Variants in ATG10 observed in about 807,000 individuals in gnomAD.
The protein encoded by ATG10 is autophagy related 10.
In ATG10, 30 loss-of-function variants were observed where a neutral mutation model predicts 32.1. The observed-to-expected ratio is 0.94, with a 90% CI of 0.70 to 1.27. The LOEUF (loss-of-function observed/expected upper bound fraction) is 1.27. Ranked by LOEUF, ATG10 falls within the 50% of genes most tolerant of loss-of-function variation. The pLI is 0.00. For missense variants in ATG10, 233 were observed against 262.3 expected (o/e 0.89, Z 0.77); for synonymous variants, 87 against 91.5 (o/e 0.95, Z 0.28).
chr5:82,207,230 A>T (rs1745335327), intron 5 of ATG10, among the ~76,000 whole-genome samples: 1 of 152,218 alleles, frequency 6.6e-6, no homozygotes, highest in African/African-American at 2.4e-5. Flanking sequence ...TTACTAGTTA[A>T]TACCAAACAG....
At chr5:82,181,978 A>C (rs1277794590) in intron 5 of ATG10, among the ~76,000 whole-genome samples, 3 of 152,154 alleles carry the variant, frequency 2.0e-5, no homozygotes, top group African/African-American at 4.8e-5. Flanking sequence ...TAATAAAAAA[A>C]CTTCTGAAAG....
intron 2 of ATG10, among the ~76,000 whole-genome samples, chr5:82,034,760 A>G (rs1384545890): frequency 6.6e-6 from 1 of 152,036 alleles, no homozygotes; most frequent in Non-Finnish European, 1.5e-5. Context: ...TCCCCTAGAT[A>G]GCTTTATGAC....
intron 3 of ATG10, among the ~76,000 whole-genome samples, chr5:82,129,422 A>C (rs1369324962): frequency 6.6e-6 from 1 of 151,942 alleles, no homozygotes; most frequent in Non-Finnish European, 1.5e-5. Flanking sequence ...GAGAAGAGGC[A>C]TTCTGGTTTT....
intron 5 of ATG10, among the ~76,000 whole-genome samples, chr5:82,207,908 G>C (rs142022735): frequency 6.6e-6 from 1 of 152,026 alleles, no homozygotes; most frequent in Non-Finnish European, 1.5e-5. Flanking sequence ...ACTGTTAACT[G>C]TGTTATTGGA....
intron 2 of ATG10, among the ~76,000 whole-genome samples, chr5:82,019,965 G>A (rs971301993): frequency 2.6e-5 from 4 of 152,224 alleles, no homozygotes; most frequent in Non-Finnish European, 5.9e-5. Context: ...AAGGGGGATG[G>A]TGACTGCCTG....
At chr5:82,094,280 A>G (rs1000451303) in intron 3 of ATG10, among the ~76,000 whole-genome samples, 1 of 152,104 alleles carries the variant, frequency 6.6e-6, no homozygotes, top group Non-Finnish European at 1.5e-5. Context: ...TATATTTTGT[A>G]CAGTTTTTTA....
At chr5:82,056,023 G>A (rs1763583858) in intron 2 of ATG10, among the ~76,000 whole-genome samples, 1 of 152,154 alleles carries the variant, frequency 6.6e-6, no homozygotes, top group African/African-American at 2.4e-5. Context: ...AGTCTATGAT[G>A]TTTGTACAAT....
chr5:82,050,771 G>A (rs1317982245), intron 2 of ATG10, among the ~76,000 whole-genome samples: 1 of 149,216 alleles, frequency 6.7e-6, no homozygotes, highest in African/African-American at 2.5e-5. Context: ...GGAAGTTGAG[G>A]CAGGAGGATT....
chr5:82,237,642 C>CAA (rs750955363), intron 5 of ATG10, among the ~76,000 whole-genome samples: 4 of 119,764 alleles, frequency 3.3e-5, no homozygotes, highest in Non-Finnish European at 5.4e-5. Context: ...GATTCCTTCT[C>CAA]AAAAAAAAAA....
intron 2 of ATG10, among the ~76,000 whole-genome samples, chr5:82,035,614 T>C (rs1762895225): frequency 1.3e-5 from 2 of 151,994 alleles, no homozygotes; most frequent in Admixed American, 1.3e-4. Flanking sequence ...TCCTTATTAA[T>C]ACTAATGTTG....
At chr5:82,200,472 T>G (rs1043934463) in intron 5 of ATG10, among the ~76,000 whole-genome samples, 2 of 128,964 alleles carry the variant, frequency 1.6e-5, no homozygotes, top group African/African-American at 3.2e-5. Context: ...TCTTTTTTTT[T>G]TTTTTTTTTT....
intron 3 of ATG10, among the ~76,000 whole-genome samples, chr5:82,064,817 G>A (rs1001704724): frequency 6.6e-6 from 1 of 152,090 alleles, no homozygotes; most frequent in Non-Finnish European, 1.5e-5. Flanking sequence ...AAAGACAGCA[G>A]CCTAAGTTTA....
At chr5:82,207,081 G>A (rs1363938153) in intron 5 of ATG10, among the ~76,000 whole-genome samples, 1 of 152,032 alleles carries the variant, frequency 6.6e-6, no homozygotes, top group Non-Finnish European at 1.5e-5. Flanking sequence ...TGGCCATGTG[G>A]TTCCCCCTGC....
chr5:82,239,670 A>G (rs962381969), intron 5 of ATG10, among the ~76,000 whole-genome samples: 7 of 152,172 alleles, frequency 4.6e-5, no homozygotes, highest in African/African-American at 1.7e-4. Context: ...TAAACTGTAT[A>G]TAAATATTGG....
chr5:82,071,213 A>T (rs146864058), intron 3 of ATG10, among the ~76,000 whole-genome samples: 310 of 152,300 alleles, frequency 2.0e-3, no homozygotes, highest in African/African-American at 6.8e-3. Context: ...ATCAAGAGTC[A>T]TGAATATAGA....
chr5:82,172,573 G>A (rs1743848608), intron 4 of ATG10, among the ~76,000 whole-genome samples: 1 of 152,062 alleles, frequency 6.6e-6, no homozygotes, highest in Admixed American at 6.5e-5. Context: ...CTCATGTGAA[G>A]ACAAAAACTG....
At chr5:82,056,688 G>A (rs1763612609) in intron 2 of ATG10, among the ~76,000 whole-genome samples, 1 of 152,076 alleles carries the variant, frequency 6.6e-6, no homozygotes, top group Non-Finnish European at 1.5e-5. Context: ...TCAGAGATCT[G>A]TGTCTATCCC....
intron 5 of ATG10, among the ~76,000 whole-genome samples, chr5:82,190,247 A>G (rs1378366681): frequency 6.6e-6 from 1 of 152,136 alleles, no homozygotes; most frequent in East Asian, 1.9e-4. Flanking sequence ...AATATCATAA[A>G]GAAGAATTAT....
intron 3 of ATG10, among the ~76,000 whole-genome samples, chr5:82,111,720 G>T (rs1400297782): frequency 6.6e-6 from 1 of 151,904 alleles, no homozygotes; most frequent in Non-Finnish European, 1.5e-5. Flanking sequence ...AAACACTGGT[G>T]ATCCTCAAAT....
Sources: gnomAD v4.1 joint callset for allele counts (sites outside exome capture counted in the v4.1 genomes callset) on GRCh38, gnomAD v4.1.1 for gene constraint, MANE v1.5 for transcripts, NCBI Gene and HGNC (gene_info 2026-07-23, HGNC 2026-07-21) for gene names.